Variants in CSMD3 observed in about 807,000 individuals in gnomAD.
CSMD3 encodes the protein CUB and Sushi multiple domains 3, also known as CUB and sushi domain-containing protein 3.
A neutral mutation model predicts 435.2 loss-of-function variants in CSMD3; 177 were observed. The observed-to-expected ratio is 0.41, with a 90% CI of 0.36 to 0.46. The LOEUF is 0.46. CSMD3 is among the 20% of genes least tolerant of loss of function. CSMD3 has a pLI of 0.34. For missense variants in CSMD3, 4,265 were observed against 4,504.6 expected, an observed-to-expected ratio of 0.95 and a Z score of 1.52; for synonymous variants, 1,656 against 1,520.5, an observed-to-expected ratio of 1.09 and a Z score of -2.07.
At chr8:112,295,391 T>C (rs1820163072) in intron 54 of CSMD3, among the ~76,000 whole-genome samples, 1 of 152,082 alleles carries the variant, frequency 6.6e-6, no homozygotes, top group African/African-American at 2.4e-5. Context: ...TATATAATCT[T>C]GATGTCATGA....
At chr8:112,959,146 A>G (rs1435157088) in intron 7 of CSMD3, among the ~76,000 whole-genome samples, 1 of 152,094 alleles carries the variant, frequency 6.6e-6, no homozygotes, top group East Asian at 1.9e-4. Flanking sequence ...CAGAACATTT[A>G]TCTTTGAAAA....
At chr8:113,100,348 C>T (rs940009104) in intron 4 of CSMD3, among the ~76,000 whole-genome samples, 7 of 152,060 alleles carry the variant, frequency 4.6e-5, no homozygotes, top group African/African-American at 1.7e-4. Flanking sequence ...TTACCAATGC[C>T]TTCAAGACCT....
intron 3 of CSMD3, among the ~76,000 whole-genome samples, chr8:113,206,003 T>C (rs1588273265): frequency 6.6e-6 from 1 of 152,196 alleles, no homozygotes; most frequent in African/African-American, 2.4e-5. Flanking sequence ...TATTTAAAAT[T>C]GCATTGGACC....
At chr8:112,963,935 T>C (rs527583360) in intron 7 of CSMD3, among the ~76,000 whole-genome samples, 21 of 152,080 alleles carry the variant, frequency 1.4e-4, no homozygotes, top group South Asian at 6.2e-4. Flanking sequence ...CTAATTTTTT[T>C]AAATAAATTT....
At chr8:112,800,702 A>C (rs1587335114) in intron 12 of CSMD3, among the ~76,000 whole-genome samples, 1 of 152,194 alleles carries the variant, frequency 6.6e-6, no homozygotes. Context: ...TAAAGTGGCC[A>C]AGAGTATAAC....
chr8:112,816,007 AG>A (rs1361434759), intron 12 of CSMD3, among the ~76,000 whole-genome samples: 1 of 152,102 alleles, frequency 6.6e-6, no homozygotes, highest in African/African-American at 2.4e-5. Flanking sequence ...TGCTCCCATC[AG>A]TTTGGTTGAT....
At chr8:112,832,707 T>C (rs1399385278) in intron 11 of CSMD3, among the ~76,000 whole-genome samples, 1 of 152,018 alleles carries the variant, frequency 6.6e-6, no homozygotes, top group African/African-American at 2.4e-5. Flanking sequence ...AAAGCTTTGA[T>C]TTCACCCCGG....
intron 24 of CSMD3, among the ~76,000 whole-genome samples, chr8:112,559,873 A>G (rs1196063486): frequency 3.3e-5 from 5 of 151,834 alleles, no homozygotes; most frequent in African/African-American, 1.2e-4. Context: ...GCTTCTGAGG[A>G]TAGAAAACCT....
rs373448795 is a variant in CSMD3, at chr8:112,924,851, C to T, written c.1509-3100G>A. 6.8e-4 allele frequency among the ~76,000 whole-genome samples: 104 copies of T among 152,156 alleles called. 1 individual carries two copies. Among genetic ancestry groups the T allele is most frequent in the African/African-American group, 2.4e-3 (98 of 41,532 alleles). Reference sequence around the variant, plus strand: ...ACTTTGCCCTAAACTTCAGCTTTCTCGTCTGTTGTGATAAAGTAATGAAAT... The same window carrying T: ...ACTTTGCCCTAAACTTCAGCTTTCTTGTCTGTTGTGATAAAGTAATGAAAT... On this transcript the variant is annotated intron_variant, in intron 9 of 70. Transcript: ENST00000297405.
chr8:113,306,366 T>A (rs975977188), intron 2 of CSMD3, among the ~76,000 whole-genome samples: 4 of 152,156 alleles, frequency 2.6e-5, no homozygotes, highest in Non-Finnish European at 5.9e-5. Context: ...TCACTCTCAA[T>A]GTAATCTTTA....
intron 13 of CSMD3, among the ~76,000 whole-genome samples, chr8:112,749,714 A>G (rs1327061739): frequency 6.6e-6 from 1 of 152,106 alleles, no homozygotes; most frequent in African/African-American, 2.4e-5. Flanking sequence ...GAAGCTAGGA[A>G]AATATTCAGT....
At chr8:112,963,043 T>C (rs1443457992) in intron 7 of CSMD3, among the ~76,000 whole-genome samples, 3 of 151,986 alleles carry the variant, frequency 2.0e-5, no homozygotes, top group Admixed American at 6.6e-5. Context: ...CAGACTCCCT[T>C]AACCTCTGGG....
At chr8:113,148,826 TA>T (rs767126339) in intron 4 of CSMD3, among the ~76,000 whole-genome samples, 1 of 151,848 alleles carries the variant, frequency 6.6e-6, no homozygotes, top group South Asian at 2.1e-4. Context: ...TGTATATTTA[TA>T]AAAAACAGAA....
chr8:113,054,110 C>T (rs1339295449), intron 5 of CSMD3, among the ~76,000 whole-genome samples: 1 of 152,140 alleles, frequency 6.6e-6, no homozygotes, highest in African/African-American at 2.4e-5. Context: ...GTATTACTCA[C>T]ATCTCTTAAA....
At chr8:113,129,435 T>C (rs1257335698) in intron 4 of CSMD3, among the ~76,000 whole-genome samples, 1 of 152,158 alleles carries the variant, frequency 6.6e-6, no homozygotes, top group Non-Finnish European at 1.5e-5. Context: ...CACTCAGGCT[T>C]TCCTACGGAA....
chr8:112,449,469 T>C (rs1816013239), intron 32 of CSMD3, among the ~76,000 whole-genome samples: 1 of 152,088 alleles, frequency 6.6e-6, no homozygotes, highest in South Asian at 2.1e-4. Context: ...ATGATGAAGC[T>C]AACCCTAAGA....
chr8:112,266,199 A>G (rs184138272), intron 59 of CSMD3, among the ~76,000 whole-genome samples: 3 of 152,296 alleles, frequency 2.0e-5, no homozygotes, highest in Admixed American at 2.0e-4. Flanking sequence ...CTCCATTAAT[A>G]TATCCAACTC....
At chr8:113,026,110 T>C (rs1294314686) in intron 5 of CSMD3, among the ~76,000 whole-genome samples, 1 of 152,100 alleles carries the variant, frequency 6.6e-6, no homozygotes, top group African/African-American at 2.4e-5. Context: ...TCCAGGAAGC[T>C]CCCCAAACTA....
intron 4 of CSMD3, among the ~76,000 whole-genome samples, chr8:113,105,336 G>A (rs980002352): frequency 2.6e-5 from 4 of 152,064 alleles, no homozygotes; most frequent in Non-Finnish European, 4.4e-5. Context: ...AGAATAAGGA[G>A]AGGGATTACA....
Sources: allele counts gnomAD v4.1 joint callset (sites outside exome capture counted in the v4.1 genomes callset), GRCh38; gene constraint gnomAD v4.1.1; transcripts MANE v1.5; gene names NCBI Gene and HGNC (gene_info 2026-07-23, HGNC 2026-07-21).